Variants in DKK2 observed in about 807,000 individuals in gnomAD.
DKK2 encodes the protein dickkopf Wnt signaling pathway inhibitor 2, also known as dickkopf-related protein 2.
DKK2 carries 11 observed loss-of-function variants against 28.1 expected under a neutral mutation model. The ratio of observed to expected loss-of-function variants is 0.39; its 90% confidence interval spans 0.25 to 0.65. The LOEUF (loss-of-function observed/expected upper bound fraction) is 0.65, where lower values mean the gene tolerates loss of function less well. Among genes scored for constraint, DKK2 ranks in the 30% least tolerant of loss-of-function variants. The pLI is 0.47. For synonymous variants in DKK2, 135 were observed against 126.5 expected, an observed-to-expected ratio of 1.07 and a Z score of -0.45; for missense variants, 326 against 335.5, an observed-to-expected ratio of 0.97 and a Z score of 0.22.
At chr4:106,926,749 A>G (rs1396156731) in intron 1 of DKK2, among the ~76,000 whole-genome samples, 1 of 152,180 alleles carries the variant, frequency 6.6e-6, no homozygotes, top group Non-Finnish European at 1.5e-5. Flanking sequence ...CCAGAAGGCT[A>G]CTTCAGCAGT....
In DKK2 at chr4:106,957,043, A is replaced by C. The variant is rs1168724659; in HGVS notation, c.223-31094T>G. On this transcript the variant is annotated intron_variant, in intron 1 of 3. Transcript: ENST00000285311. The stretch of plus-strand genomic sequence containing the variant: ...ATATCCAGAATCTACAATGAACTCA[A>C]ACAAATTTACAAGAAAAAAACAAAC... Among the ~76,000 whole-genome samples the C allele has an allele frequency of 2.0e-5, 3 of 151,934 alleles. No individual in the cohort carries two copies. In the East Asian group the frequency reaches 5.8e-4, roughly 29 times the overall value.
At chr4:106,962,491 A>ATG (rs59831895) in intron 1 of DKK2, among the ~76,000 whole-genome samples, 2,548 of 117,548 alleles carry the variant, frequency 0.022, 39 homozygotes, top group East Asian at 0.067. Flanking sequence ...CAGAAAAACT[A>ATG]TGTGTGTGTG....
intron 1 of DKK2, among the ~76,000 whole-genome samples, chr4:106,953,461 A>G (rs1315484415): frequency 6.6e-6 from 1 of 152,198 alleles, no homozygotes; most frequent in Non-Finnish European, 1.5e-5. Flanking sequence ...CTTTTAAAAA[A>G]TCACAAAGAT....
At chr4:106,979,908 A>G (rs943418449) in intron 1 of DKK2, among the ~76,000 whole-genome samples, 1 of 152,224 alleles carries the variant, frequency 6.6e-6, no homozygotes, top group Non-Finnish European at 1.5e-5. Context: ...AAATAGATTC[A>G]TAAGGGGGCA....
intron 1 of DKK2, among the ~76,000 whole-genome samples, chr4:106,980,228 G>C (rs924680844): frequency 4.6e-5 from 7 of 151,446 alleles, no homozygotes; most frequent in Admixed American, 4.6e-4. Context: ...TTTCAACTTA[G>C]ACTATATGGT....
At chr4:107,017,445 G>A (rs1723626540) in intron 1 of DKK2, among the ~76,000 whole-genome samples, 1 of 151,920 alleles carries the variant, frequency 6.6e-6, no homozygotes, top group Non-Finnish European at 1.5e-5. Context: ...TAAAAATTGT[G>A]TTTTCATTAG....
At position 106,982,915 on chromosome 4, in the gene DKK2, A is replaced by C. The variant is rs1723046801; in HGVS notation, c.222+52455T>G. Reference sequence around the variant, plus strand: ...TGGAGAAAGCATAGTCGCCTTCTATACATTGGGGAGGGAAAGAAAGAAGGA... The same window carrying C: ...TGGAGAAAGCATAGTCGCCTTCTATCCATTGGGGAGGGAAAGAAAGAAGGA... On this transcript the variant is annotated intron_variant, in intron 1 of 3. Transcript: ENST00000285311. Among the ~76,000 whole-genome samples the C allele has an allele frequency of 2.0e-5, 3 of 151,090 alleles. No individual in the cohort carries two copies. The South Asian group carries it at 6.3e-4, about 32-fold the overall frequency.
intron 1 of DKK2, among the ~76,000 whole-genome samples, chr4:106,931,924 CTTAT>C (rs1374291661): frequency 2.2e-4 from 34 of 152,228 alleles, no homozygotes; most frequent in African/African-American, 7.0e-4. Context: ...CCAAATTTTA[CTTAT>C]TTGTCACCTA....
Position 107,021,106 on chromosome 4 carries a change from A to G in DKK2, c.222+14264T>C, listed in dbSNP as rs186694229. ...GGTTTTCCACCTTAAAGCAATTGAC[A>G]TGGAAAGGTTTACAATTATAATCAC... On this transcript the variant is annotated intron_variant, in intron 1 of 3. Coordinates refer to ENST00000285311, the MANE Select transcript of DKK2 (RefSeq NM_014421.3). 9.9e-5 allele frequency among the ~76,000 whole-genome samples: 15 copies of G among 152,240 alleles called. No individual in the cohort carries two copies. The East Asian group carries it at 2.1e-3, about 22-fold the overall frequency.
chr4:106,954,044 A>G (rs1722544731), intron 1 of DKK2, among the ~76,000 whole-genome samples: 1 of 152,166 alleles, frequency 6.6e-6, no homozygotes, highest in Non-Finnish European at 1.5e-5. Flanking sequence ...TTACTATGTC[A>G]TTGAGTAGTC....
intron 1 of DKK2, among the ~76,000 whole-genome samples, chr4:106,941,287 C>G (rs1038732037): frequency 6.6e-6 from 1 of 151,996 alleles, no homozygotes; most frequent in African/African-American, 2.4e-5. Flanking sequence ...CATCATGTCT[C>G]CCTGAGATAT....
intron 1 of DKK2, among the ~76,000 whole-genome samples, chr4:106,990,762 G>A (rs1292323380): frequency 6.6e-6 from 1 of 152,010 alleles, no homozygotes; most frequent in Non-Finnish European, 1.5e-5. Context: ...GAAAGCAGCT[G>A]ATGCATTTCC....
intron 1 of DKK2, among the ~76,000 whole-genome samples, chr4:107,028,858 G>A (rs1287017537): frequency 6.6e-6 from 1 of 152,172 alleles, no homozygotes; most frequent in East Asian, 1.9e-4. Context: ...GTCACATAGC[G>A]ACATTCAGAT....
rs564099993 is a variant in DKK2, at chr4:106,982,734, G to C, written c.222+52636C>G. On this transcript the variant is annotated intron_variant, in intron 1 of 3. Transcript: ENST00000285311. ...TAGGTTATGTAAAGCAGAGGAGAGA[G>C]AGAGAGAAATGCACAAAATTTCAAG... Among the ~76,000 whole-genome samples, 12 of 152,184 alleles carry C rather than the reference G, an allele frequency of 7.9e-5. 1 individual carries two copies. Among genetic ancestry groups the C allele is most frequent in the Admixed American group, 7.9e-4 (12 of 15,260 alleles).
intron 1 of DKK2, among the ~76,000 whole-genome samples, chr4:107,015,246 TAATC>T (rs1723578126): frequency 6.6e-6 from 1 of 151,598 alleles, no homozygotes; most frequent in South Asian, 2.1e-4. Flanking sequence ...AAAGTTTTGA[TAATC>T]TAATGTCATG....
In DKK2 at chr4:106,923,300, G is replaced by T. The variant is rs1295809728; in HGVS notation, c.*654C>A. 1 of 152,034 alleles carries T rather than the reference G, an allele frequency of 6.6e-6. No individual in the cohort carries two copies. The highest frequency in any genetic ancestry group is 2.4e-5 in the African/African-American group (1 of 41,372). The allele number at this position is 152,034 out of a possible 1,614,324, so 9.4% of individuals were successfully genotyped here. On this transcript the variant is annotated 3_prime_UTR_variant, in exon 4 of 4. Transcript: ENST00000285311. Reference sequence around the variant, plus strand: ...GAAAAAAAAGTATTTGTGGCTGTTTGTTTGTTATTTATTTGTCTTCCTAAA... The same window carrying T: ...GAAAAAAAAGTATTTGTGGCTGTTTTTTTGTTATTTATTTGTCTTCCTAAA...
chr4:107,006,154 A>G (rs943073103), intron 1 of DKK2, among the ~76,000 whole-genome samples: 3 of 152,232 alleles, frequency 2.0e-5, no homozygotes, highest in Non-Finnish European at 4.4e-5. Context: ...CAAATGAGCT[A>G]GAAGGTAAAT....
At position 107,035,814 on chromosome 4, in the gene DKK2, C is replaced by A. The variant is rs1429744520; in HGVS notation, c.-223G>T. 6.8e-6 allele frequency: 4 copies of A among 584,288 alleles called. No individual in the cohort carries two copies. Among genetic ancestry groups the A allele is most frequent in the Non-Finnish European group, 1.2e-5 (4 of 328,154 alleles). 36.2% of individuals were successfully genotyped at this position (584,288 alleles called of 1,614,324 possible). ...AGCGAGACCCGCTTCTCCACCAGGA[C>A]AGGAAGTTCTGCAATAACTGGAAGC... is the stretch of plus-strand genomic sequence containing the variant. On this transcript the variant is annotated 5_prime_UTR_variant, in exon 1 of 4. Coordinates refer to ENST00000285311, the MANE Select transcript of DKK2 (RefSeq NM_014421.3).
At chr4:107,019,461 G>T (rs1560593164) in intron 1 of DKK2, among the ~76,000 whole-genome samples, 1 of 151,954 alleles carries the variant, frequency 6.6e-6, no homozygotes, top group Non-Finnish European at 1.5e-5. Flanking sequence ...AGGGTTTAGG[G>T]AAGGTTAAGT....
Sources: gnomAD v4.1 joint callset for allele counts (sites outside exome capture counted in the v4.1 genomes callset) on GRCh38, gnomAD v4.1.1 for gene constraint, MANE v1.5 for transcripts, NCBI Gene and HGNC (gene_info 2026-07-23, HGNC 2026-07-21) for gene names.